Variants in TRIML1 observed in about 807,000 individuals in gnomAD.
TRIML1 encodes probable E3 ubiquitin-protein ligase TRIML1.
A neutral mutation model predicts 32.3 loss-of-function variants in TRIML1; 34 were observed. The observed-to-expected ratio is 1.05, with a 90% confidence interval of 0.80 to 1.40. The LOEUF (loss-of-function observed/expected upper bound fraction) is 1.40, where lower values mean the gene tolerates loss of function less well. TRIML1 is among the 40% of genes most tolerant of loss of function. The pLI, the probability that TRIML1 is intolerant of heterozygous loss-of-function variation, is 0.00. For synonymous variants in TRIML1, 244 were observed against 226.6 expected (o/e 1.08, Z -0.69); for missense variants, 595 against 574.9 (o/e 1.03, Z -0.36).
intron 3 of TRIML1, chr4:188,143,550 A>G: frequency 2.2e-6 from 1 of 447,264 alleles, no homozygotes; most frequent in East Asian, 4.5e-5. Context: ...GATGATCGAG[A>G]CTAACAGGTT....
rs2111228574 is a variant in TRIML1, at chr4:188,142,237, TGTGTG to T, written c.505-14_505-10del. 1.3e-5 allele frequency: 19 copies of T among 1,466,564 alleles called. No individual in the cohort carries two copies. The highest frequency in any genetic ancestry group is 1.7e-5 in the Admixed American group (1 of 58,042). The allele number at this position is 1,466,564 out of a possible 1,614,324, so 90.8% of individuals were successfully genotyped here. A position where few individuals can be genotyped will look rare whatever the true frequency, so the allele number is the denominator to read the frequency against. On this transcript the variant is annotated splice_polypyrimidine_tract_variant and intron_variant, in intron 2 of 5. Coordinates refer to ENST00000332517, the MANE Select transcript of TRIML1 (RefSeq NM_178556.5). ...GTGTGTGTGTGTGTGTGTGTGTGTG[TGTGTG>T]TTTTGGCAGGAAGAAACAAAGACTT...
rs749130422 is a variant in TRIML1, at chr4:188,139,666, TCTGG to T, written c.109_112del (p.Leu37CysfsTer79). On this transcript the variant is annotated frameshift_variant, in exon 1 of 6. Coordinates refer to ENST00000332517, the MANE Select transcript of TRIML1 (RefSeq NM_178556.5). LOFTEE classifies it high-confidence loss of function. ...CCACCGAGTGTGGGCACAGCTTTTG[TCTGG>T]TGTGTCTCCTCAGGAGCTGGGAGGA... The T allele has an allele frequency of 5.0e-6, 8 of 1,614,022 alleles. No homozygotes were observed. The South Asian group carries it at 8.8e-5, about 18-fold the overall frequency.
chr4:188,146,771 G>A (rs375467544), intron 5 of TRIML1, 51 bp from the exon 6 acceptor site: 2 of 1,278,166 alleles, frequency 1.6e-6, no homozygotes, highest in Non-Finnish European at 2.0e-6. Flanking sequence ...ACATACCTAA[G>A]AGGTTTTTCA....
At chr4:188,144,466 C>G (rs1161269191) in intron 5 of TRIML1, among the ~76,000 whole-genome samples, 1 of 147,388 alleles carries the variant, frequency 6.8e-6, no homozygotes, top group African/African-American at 2.5e-5. Flanking sequence ...GGGTTCACGC[C>G]ATTCTCCTGC....
At chr4:188,139,176 C>T (rs1734751976), upstream of TRIML1, among the ~76,000 whole-genome samples, 1 of 152,186 alleles carries the variant, frequency 6.6e-6, no homozygotes, top group African/African-American at 2.4e-5. Context: ...CACCAAATCA[C>T]CCAAGCTTCC....
At chr4:188,140,009 T>C in intron 1 of TRIML1, 43 bp downstream of exon 1, 1 of 1,539,614 alleles carries the variant, frequency 6.5e-7, no homozygotes, top group Non-Finnish European at 8.8e-7. Flanking sequence ...TCATCGCAGC[T>C]AACTCCGTTA....
At chr4:188,144,251 A>G in intron 5 of TRIML1, 118 bp downstream of exon 5, 1 of 851,538 alleles carries the variant, frequency 1.2e-6, no homozygotes, top group East Asian at 2.7e-5. Flanking sequence ...AATCCGGGCC[A>G]GCACGGAACA....
At chr4:188,143,817 T>G (rs139303406) in intron 3 of TRIML1, 21 bp from the exon 4 acceptor site, 1 of 1,614,060 alleles carries the variant, frequency 6.2e-7, no homozygotes, top group Non-Finnish European at 8.5e-7. Context: ...CCATGCTAAC[T>G]TCTTTCTTTT....
chr4:188,140,689 G>T, intron 2 of TRIML1, 66 bp downstream of exon 2: 3 of 1,167,190 alleles, frequency 2.6e-6, no homozygotes, highest in Non-Finnish European at 3.7e-6. Flanking sequence ...GGGAAATTTA[G>T]TGAAATATCA....
chr4:188,139,206 C>T (rs1401117887), upstream of TRIML1, among the ~76,000 whole-genome samples: 2 of 152,180 alleles, frequency 1.3e-5, no homozygotes, highest in Non-Finnish European at 2.9e-5. Flanking sequence ...CCCACATGCT[C>T]ACATGGTTCC....
intron 5 of TRIML1, among the ~76,000 whole-genome samples, chr4:188,145,863 T>C (rs72726904): frequency 1.6e-3 from 243 of 152,146 alleles, no homozygotes; most frequent in Non-Finnish European, 3.0e-3. Context: ...GACTGTCGGT[T>C]CACAGACTAT....
chr4:188,148,126 C>T (rs1188112510), downstream of TRIML1, among the ~76,000 whole-genome samples: 1 of 152,100 alleles, frequency 6.6e-6, no homozygotes, highest in East Asian at 1.9e-4. Context: ...CTTTTCGGTG[C>T]TTTTGTGGTT....
chr4:188,144,245 C>T (rs1387738062), intron 5 of TRIML1, 112 bp downstream of exon 5: 5 of 906,880 alleles, frequency 5.5e-6, no homozygotes, highest in African/African-American at 4.9e-5. Context: ...TTAAGGAATC[C>T]GGGCCAGCAC....
At chr4:188,146,157 C>A (rs1735071506) in intron 5 of TRIML1, among the ~76,000 whole-genome samples, 1 of 152,062 alleles carries the variant, frequency 6.6e-6, no homozygotes, top group Non-Finnish European at 1.5e-5. Context: ...CCCACCCAAA[C>A]TGAAGAACCA....
At chr4:188,144,410 T>G (rs1283756194) in intron 5 of TRIML1, among the ~76,000 whole-genome samples, 1 of 149,094 alleles carries the variant, frequency 6.7e-6, no homozygotes, top group Non-Finnish European at 1.5e-5. Context: ...TGTCCCGGGC[T>G]GGAGCGCAGG....
chr4:188,141,964 T>C (rs990478996), intron 2 of TRIML1, among the ~76,000 whole-genome samples: 5 of 151,664 alleles, frequency 3.3e-5, no homozygotes, highest in African/African-American at 9.7e-5. Flanking sequence ...ATACAAAAAT[T>C]AGCTGGGCGT....
intron 2 of TRIML1, among the ~76,000 whole-genome samples, chr4:188,141,901 A>C (rs1432870011): frequency 6.6e-6 from 1 of 151,976 alleles, no homozygotes; most frequent in Admixed American, 6.6e-5. Context: ...TCACCCGGTC[A>C]AGAGACTTGA....
chr4:188,142,720 T>A (rs62354303), intron 3 of TRIML1, among the ~76,000 whole-genome samples: 10,744 of 151,394 alleles, frequency 0.071, 484 homozygotes, highest in East Asian at 0.2. Context: ...GTGGCTTCAA[T>A]TTCTTCTGTA....
intron 5 of TRIML1, among the ~76,000 whole-genome samples, chr4:188,145,178 T>C (rs1014332016): frequency 2.0e-5 from 3 of 152,034 alleles, no homozygotes; most frequent in East Asian, 2.0e-4. Context: ...TGGCTCACGC[T>C]TGTAATCCCA....
Sources: allele counts gnomAD v4.1 joint callset (sites outside exome capture counted in the v4.1 genomes callset), GRCh38; gene constraint gnomAD v4.1.1; transcripts MANE v1.5; gene names NCBI Gene and HGNC (gene_info 2026-07-23, HGNC 2026-07-21).